ERBB4: variants seen among roughly 807,000 people sequenced by gnomAD.
The protein encoded by ERBB4 is erb-b2 receptor tyrosine kinase 4, also known as receptor tyrosine-protein kinase erbB-4.
ERBB4 carries 42 observed loss-of-function variants against 158.0 expected under a neutral mutation model. The ratio of observed to expected loss-of-function variants is 0.27; its 90% CI spans 0.21 to 0.34. ERBB4 has a LOEUF of 0.34. Ranked by LOEUF, ERBB4 falls within the 10% of genes least tolerant of loss-of-function variation. The probability of loss-of-function intolerance (pLI) is 1.00; values close to 1 mark genes in which losing one functional copy is unlikely to be tolerated. For missense variants in ERBB4, 1,333 were observed against 1,624.1 expected (o/e 0.82, Z 3.08); for synonymous variants, 583 against 558.7 (o/e 1.04, Z -0.61).
intron 1 of ERBB4, among the ~76,000 whole-genome samples, chr2:212,190,250 G>C (rs1438085032): frequency 6.6e-6 from 1 of 152,072 alleles, no homozygotes; most frequent in Non-Finnish European, 1.5e-5. Context: ...TTAAGAAATG[G>C]GGGCAGCTGG....
At position 211,665,329 on chromosome 2, in the gene ERBB4, G is replaced by T. The variant is rs1400310064; in HGVS notation, c.1865C>A (p.Thr622Asn). ...GGCCAGCAAGAATGCTTACCCTTGGGTGCAGTTTGGATGGCATGGGTGGCA... is the reference window on the plus strand; with the variant it reads ...GGCCAGCAAGAATGCTTACCCTTGGTTGCAGTTTGGATGGCATGGGTGGCA... ...RECHPCHPNCTQGCNGPTSHD... is the reference protein window; with the variant it reads ...RECHPCHPNCNQGCNGPTSHD... Residue 622 changes from threonine to asparagine, a missense_variant, in exon 15 of 28, where the codon ACC becomes AAC. Thr to Asn is a moderately conservative substitution (Grantham distance 65, BLOSUM62 0). This residue lies in a region of ERBB4 where 245 missense variants were observed against 247.5 expected (regional missense o/e 0.99). Coordinates refer to ENST00000342788, the MANE Select transcript of ERBB4 (RefSeq NM_005235.3). 1.4e-5 allele frequency: 22 copies of T among 1,614,058 alleles called. No homozygotes were observed. The highest frequency in any genetic ancestry group is 1.9e-5 in the Non-Finnish European group (22 of 1,179,964).
intron 7 of ERBB4, among the ~76,000 whole-genome samples, chr2:211,720,912 G>A (rs1438577881): frequency 1.3e-5 from 2 of 152,212 alleles, no homozygotes; most frequent in Admixed American, 1.3e-4. Flanking sequence ...ACCCTTACCT[G>A]GAGGGATAGC....
chr2:211,614,013 C>G (rs1346979927), intron 19 of ERBB4, among the ~76,000 whole-genome samples: 1 of 152,048 alleles, frequency 6.6e-6, no homozygotes, highest in East Asian at 1.9e-4. Context: ...GATTTGGAAG[C>G]AACCTAAGTG....
chr2:211,483,405 A>T (rs1384758489), intron 20 of ERBB4, among the ~76,000 whole-genome samples: 4 of 152,224 alleles, frequency 2.6e-5, no homozygotes. Flanking sequence ...CAACATCATA[A>T]TCATAATTAA....
chr2:212,023,519 T>TA lies in ERBB4; in HGVS notation c.235-75904_235-75903insT, dbSNP rs565679526. 3.7e-3 allele frequency among the ~76,000 whole-genome samples: 532 copies of TA among 142,894 alleles called. 1 individual carries two copies. The highest frequency in any genetic ancestry group is 5.3e-3 in the Non-Finnish European group (347 of 65,480). 93.7% of individuals were successfully genotyped at this position (142,894 alleles called of 152,430 possible). Reference sequence around the variant, plus strand: ...AAAAGCGTTTATACAAGTTAATTTTTTAAAAAAAACAGATGAATAAGTCAA... The same window carrying TA: ...AAAAGCGTTTATACAAGTTAATTTTTATAAAAAAAACAGATGAATAAGTCAA... On this transcript the variant is annotated intron_variant, in intron 2 of 27. Transcript: ENST00000342788.
At chr2:212,301,712 TAATGGTCCCCCCATGCAAG>T (rs2086630276) in intron 1 of ERBB4, among the ~76,000 whole-genome samples, 1 of 150,908 alleles carries the variant, frequency 6.6e-6, no homozygotes, top group Non-Finnish European at 1.5e-5. Context: ...CATACAATAT[TAATGGTCCCCCCATGCAAG>T]TTCCCTCAGA....
intron 2 of ERBB4, among the ~76,000 whole-genome samples, chr2:212,109,976 T>C (rs1043312636): frequency 3.3e-5 from 5 of 151,110 alleles, no homozygotes; most frequent in African/African-American, 1.2e-4. Context: ...GTTTAACTTC[T>C]GCCAGCTTTT....
chr2:211,626,320 A>G (rs1381686799), intron 17 of ERBB4, among the ~76,000 whole-genome samples: 3 of 152,176 alleles, frequency 2.0e-5, no homozygotes, highest in Admixed American at 2.0e-4. Context: ...TATGTTTTAT[A>G]GTTTTATGCA....
intron 1 of ERBB4, among the ~76,000 whole-genome samples, chr2:212,157,008 A>G (rs893894042): frequency 2.0e-5 from 3 of 152,060 alleles, no homozygotes; most frequent in African/African-American, 7.2e-5. Flanking sequence ...ATGTTCATCA[A>G]AATAATTTAT....
Position 211,431,153 on chromosome 2 carries a change from A to G in ERBB4, c.2488-53T>C, listed in dbSNP as rs373779510. The stretch of plus-strand genomic sequence containing the variant: ...ATTCAGTTAATGCCCAGGTTTTCCC[A>G]TTTTTCTAAAACAAAGTTTCTTAGC... On this transcript the variant is annotated intron_variant, in intron 20 of 27. Coordinates refer to ENST00000342788, the MANE Select transcript of ERBB4 (RefSeq NM_005235.3). The G allele has an allele frequency of 2.9e-5, 44 of 1,540,438 alleles. 1 individual carries two copies. The African/African-American group carries it at 6.0e-4, about 21-fold the overall frequency.
chr2:212,446,624 T>C lies in ERBB4; in HGVS notation c.82+91825A>G, dbSNP rs1309679145. The stretch of plus-strand genomic sequence containing the variant: ...ATATATATATATATATATATATATA[T>C]ATATATATATATATCCTATTAGTTC... On this transcript the variant is annotated intron_variant, in intron 1 of 27. Coordinates refer to ENST00000342788, the MANE Select transcript of ERBB4 (RefSeq NM_005235.3). 9.9e-5 allele frequency among the ~76,000 whole-genome samples: 8 copies of C among 80,584 alleles called. No homozygotes were observed. In the East Asian group the frequency reaches 1.9e-3, roughly 19 times the overall value. 52.9% of individuals were successfully genotyped at this position (80,584 alleles called of 152,430 possible).
intron 1 of ERBB4, among the ~76,000 whole-genome samples, chr2:212,468,247 G>A (rs1378018688): frequency 6.6e-6 from 1 of 152,154 alleles, no homozygotes; most frequent in Admixed American, 6.5e-5. Context: ...GGGAAAACAT[G>A]AATGGTTTTG....
intron 1 of ERBB4, among the ~76,000 whole-genome samples, chr2:212,323,185 C>T (rs2087649338): frequency 6.6e-6 from 1 of 150,464 alleles, no homozygotes; most frequent in South Asian, 2.1e-4. Flanking sequence ...ATTATTTCAT[C>T]ACCAAAAGAA....
intron 1 of ERBB4, among the ~76,000 whole-genome samples, chr2:212,423,382 T>A (rs1327363360): frequency 6.6e-6 from 1 of 152,206 alleles, no homozygotes; most frequent in Non-Finnish European, 1.5e-5. Flanking sequence ...AGGTGTCACC[T>A]TTGAGCTGAA....
At chr2:211,667,954 C>A (rs1459590530) in intron 14 of ERBB4, among the ~76,000 whole-genome samples, 1 of 152,114 alleles carries the variant, frequency 6.6e-6, no homozygotes, top group Non-Finnish European at 1.5e-5. Context: ...CTGAGCAATG[C>A]ATCATTAGGT....
chr2:212,003,202 A>AAAGG (rs1575500635), intron 2 of ERBB4, among the ~76,000 whole-genome samples: 2 of 55,446 alleles, frequency 3.6e-5, no homozygotes, highest in Non-Finnish European at 1.0e-4. Context: ...AGAAAGAAAG[A>AAAGG]AAGACAGAAA....
intron 2 of ERBB4, among the ~76,000 whole-genome samples, chr2:212,113,881 AC>A (rs1327463197): frequency 1.3e-5 from 2 of 152,208 alleles, no homozygotes; most frequent in Non-Finnish European, 2.9e-5. Context: ...ATTCTGCAAG[AC>A]ACTATAAAGA....
intron 3 of ERBB4, among the ~76,000 whole-genome samples, chr2:211,863,808 G>T (rs530158468): frequency 1.3e-5 from 2 of 152,282 alleles, no homozygotes; most frequent in African/African-American, 4.8e-5. Flanking sequence ...GACACAGTGG[G>T]ATATGACATC....
chr2:212,205,141 A>G (rs2082708270), intron 1 of ERBB4, among the ~76,000 whole-genome samples: 1 of 151,926 alleles, frequency 6.6e-6, no homozygotes, highest in African/African-American at 2.4e-5. Context: ...AGACAGACAG[A>G]CAGACAGACA....
Sources: allele counts gnomAD v4.1 joint callset (sites outside exome capture counted in the v4.1 genomes callset), GRCh38; gene constraint gnomAD v4.1.1; regional missense constraint gnomAD v4.1.1; transcripts MANE v1.5; gene names NCBI Gene and HGNC (gene_info 2026-07-23, HGNC 2026-07-21).